Variants in STK32A observed in about 807,000 individuals in gnomAD.
STK32A encodes serine/threonine kinase 32A, also known as serine/threonine-protein kinase 32A.
Under a neutral mutation model 53.2 loss-of-function variants are expected in STK32A, and 41 were observed. The ratio of observed to expected loss-of-function variants is 0.77; its 90% CI spans 0.60 to 1.00. The LOEUF (loss-of-function observed/expected upper bound fraction) is 1.00. Among genes scored for constraint, STK32A ranks in the 50% least tolerant of loss-of-function variants. STK32A has a pLI of 0.00. For synonymous variants in STK32A, 166 were observed against 162.8 expected (o/e 1.02, Z -0.15); for missense variants, 458 against 485.8 (o/e 0.94, Z 0.54).
chr5:147,303,605 G>A (rs1753247554), intron 4 of STK32A, among the ~76,000 whole-genome samples: 1 of 152,156 alleles, frequency 6.6e-6, no homozygotes, highest in Non-Finnish European at 1.5e-5. Context: ...GCCAGGCAGA[G>A]ATATTACTGT....
At chr5:147,397,655 A>G in the STK32A span, 133 of 1,611,302 alleles carry the variant, frequency 8.3e-5, no homozygotes, top group African/African-American at 2.1e-4. Context: ...CAGAGCTCCA[A>G]TGCTTTTTAC....
At chr5:147,296,436 G>T (rs1368968328) in intron 4 of STK32A, among the ~76,000 whole-genome samples, 1 of 151,984 alleles carries the variant, frequency 6.6e-6, no homozygotes, top group African/African-American at 2.4e-5. Context: ...TGGACTGTCC[G>T]CATGTGCAGC....
chr5:147,398,955 G>T, the STK32A span: 1 of 1,290,264 alleles, frequency 7.8e-7, no homozygotes, highest in Non-Finnish European at 1.1e-6. Flanking sequence ...GAGATTTAGG[G>T]GATGGATTAT....
At chr5:147,288,327 G>T (rs188664007) in intron 4 of STK32A, among the ~76,000 whole-genome samples, 1 of 152,236 alleles carries the variant, frequency 6.6e-6, no homozygotes, top group East Asian at 1.9e-4. Flanking sequence ...CCTAATAAAT[G>T]CTTTTTGTTT....
At chr5:147,394,305 G>T in the STK32A span, among the ~76,000 whole-genome samples, 2 of 152,106 alleles carry the variant, frequency 1.3e-5, no homozygotes, top group Non-Finnish European at 2.9e-5. Context: ...TTATGGCCCC[G>T]AAAACTAGCC....
At chr5:147,249,467 G>A (rs1039220301) in intron 2 of STK32A, among the ~76,000 whole-genome samples, 2 of 152,076 alleles carry the variant, frequency 1.3e-5, no homozygotes, top group Admixed American at 6.6e-5. Flanking sequence ...AAAGTCACCC[G>A]ATATTGATCT....
intron 7 of STK32A, among the ~76,000 whole-genome samples, chr5:147,356,836 G>T (rs1756271411): frequency 1.3e-5 from 2 of 151,918 alleles, no homozygotes; most frequent in South Asian, 2.1e-4. Flanking sequence ...GAACACTTCT[G>T]GTCCCAAGTA....
At chr5:147,296,062 T>C (rs1308013281) in intron 4 of STK32A, among the ~76,000 whole-genome samples, 1 of 152,238 alleles carries the variant, frequency 6.6e-6, no homozygotes, top group Non-Finnish European at 1.5e-5. Flanking sequence ...AATGGAGATT[T>C]CCTTTATCAA....
chr5:147,337,153 G>C (rs1755175042), intron 5 of STK32A, among the ~76,000 whole-genome samples: 1 of 152,130 alleles, frequency 6.6e-6, no homozygotes, highest in Non-Finnish European at 1.5e-5. Flanking sequence ...AAGGAGCATT[G>C]TATTTCCACT....
chr5:147,315,499 A>T (rs940312191), intron 4 of STK32A, among the ~76,000 whole-genome samples: 59 of 152,222 alleles, frequency 3.9e-4, no homozygotes, highest in Admixed American at 6.5e-4. Flanking sequence ...ATATGATTCC[A>T]CTTAGATGAG....
intron 4 of STK32A, among the ~76,000 whole-genome samples, chr5:147,295,145 T>C (rs1752809887): frequency 6.6e-6 from 1 of 152,062 alleles, no homozygotes; most frequent in Non-Finnish European, 1.5e-5. Flanking sequence ...AATTATTTTG[T>C]TTATTAACAG....
intron 5 of STK32A, among the ~76,000 whole-genome samples, chr5:147,324,306 G>A (rs1754471569): frequency 6.6e-6 from 1 of 152,072 alleles, no homozygotes; most frequent in Non-Finnish European, 1.5e-5. Flanking sequence ...ATGAATTTTG[G>A]TACTATTTTA....
At chr5:147,328,313 T>C (rs1006236434) in intron 5 of STK32A, among the ~76,000 whole-genome samples, 4 of 152,198 alleles carry the variant, frequency 2.6e-5, no homozygotes, top group Non-Finnish European at 4.4e-5. Context: ...AAAAAAACCA[T>C]AAGATCTGTT....
chr5:147,389,931 C>A (rs1757757884), downstream of STK32A, among the ~76,000 whole-genome samples: 3 of 152,130 alleles, frequency 2.0e-5, no homozygotes, highest in Non-Finnish European at 4.4e-5. Flanking sequence ...GCACACAGGG[C>A]CGAAGTGGAA....
rs1757076387 is a variant in STK32A at position 147,373,182 on chromosome 5, A to T, written c.791A>T (p.Asn264Ile). ...VSLLKKLLEPNPDQRFSQLSD... is the reference protein window; with the variant it reads ...VSLLKKLLEPIPDQRFSQLSD... ...TTTTATTGGCAGCTACTCGAACCTA[A>T]TCCAGACCAACGATTTTCTCAGTTA... The change falls in exon 10 of 13, where the codon AAT becomes ATT. Residue 264 changes from asparagine to isoleucine, a missense_variant. Coordinates refer to ENST00000397936, the MANE Select transcript of STK32A (RefSeq NM_001112724.2). 6.2e-7 allele frequency: 1 copy of T among 1,613,180 alleles called. No homozygotes were observed. The highest frequency in any genetic ancestry group is 8.5e-7 in the Non-Finnish European group (1 of 1,179,538).
At chr5:147,400,863 A>AG in the STK32A span, 1 of 1,606,364 alleles carries the variant, frequency 6.2e-7, no homozygotes, top group Non-Finnish European at 8.5e-7. Flanking sequence ...CCACATGAAC[A>AG]GGGGAGATGG....
chr5:147,323,903 C>G lies in STK32A; in HGVS notation c.266C>G (p.Ser89Cys). Residue 89 changes from serine to cysteine, a missense_variant, in exon 5 of 13, where the codon TCC becomes TGC. Transcript: ENST00000397936. ...EHPFLVNLWY[S>C]FQDEEDMFMV... ...CTCTTCTAATGTAATTCCAGGTATT[C>G]CTTCCAAGATGAGGAAGACATGTTC... 6.2e-7 allele frequency: 1 copy of G among 1,611,868 alleles called. No homozygotes were observed. The highest frequency in any genetic ancestry group is 8.5e-7 in the Non-Finnish European group (1 of 1,178,890).
At chr5:147,263,082 C>T (rs1198199677) in intron 2 of STK32A, among the ~76,000 whole-genome samples, 3 of 152,130 alleles carry the variant, frequency 2.0e-5, no homozygotes, top group Non-Finnish European at 2.9e-5. Context: ...GCAGAAGATG[C>T]CTTGCTGAAA....
chr5:147,281,907 T>C (rs1437656644), intron 4 of STK32A, among the ~76,000 whole-genome samples: 2 of 152,162 alleles, frequency 1.3e-5, no homozygotes, highest in Non-Finnish European at 2.9e-5. Context: ...AACAGCAGAT[T>C]TCTCAGCAGA....
Sources: allele counts gnomAD v4.1 joint callset (sites outside exome capture counted in the v4.1 genomes callset), GRCh38; gene constraint gnomAD v4.1.1; transcripts MANE v1.5; gene names NCBI Gene and HGNC (gene_info 2026-07-23, HGNC 2026-07-21).